Variants in PIEZO2 observed in about 807,000 individuals in gnomAD.
PIEZO2 encodes the protein piezo-type mechanosensitive ion channel component 2.
PIEZO2 carries 172 observed loss-of-function variants against 337.3 expected under a neutral mutation model. That is an observed-to-expected ratio of 0.51 (90% CI 0.45 to 0.58). PIEZO2 has a LOEUF of 0.58. Ranked by LOEUF, PIEZO2 falls within the 20% of genes least tolerant of loss-of-function variation. The pLI is 0.00. For synonymous variants in PIEZO2, 1,251 were observed against 1,228.5 expected, an observed-to-expected ratio of 1.02 and a Z score of -0.38; for missense variants, 3,028 against 3,391.3, an observed-to-expected ratio of 0.89 and a Z score of 2.66.
intron 3 of PIEZO2, among the ~76,000 whole-genome samples, chr18:10,965,306 A>AT (rs1481536761): frequency 1.3e-5 from 2 of 152,026 alleles, no homozygotes; most frequent in East Asian, 3.9e-4. Context: ...GCCACGCTTT[A>AT]TTTTTTTGTC....
intron 7 of PIEZO2, among the ~76,000 whole-genome samples, chr18:10,809,160 A>G (rs1188414240): frequency 6.6e-6 from 1 of 151,610 alleles, no homozygotes; most frequent in Non-Finnish European, 1.5e-5. Context: ...TAAAAAAATG[A>G]GCAGAAGCTA....
chr18:11,058,561 A>T lies in PIEZO2; in HGVS notation c.160+7566T>A, dbSNP rs139458500. Among the ~76,000 whole-genome samples, 57 of 152,312 alleles carry T rather than the reference A, an allele frequency of 3.7e-4. 1 individual carries two copies. Among genetic ancestry groups the T allele is most frequent in the African/African-American group, 1.2e-3 (48 of 41,574 alleles). The stretch of plus-strand genomic sequence containing the variant: ...AGACGAAAGGCTAACTAGAATAACC[A>T]GTGCAGAGAGGTCCTTAAAGGACCT... On this transcript the variant is annotated intron_variant, in intron 2 of 55. Transcript: ENST00000674853.
chr18:10,893,871 T>A, intron 4 of PIEZO2, among the ~76,000 whole-genome samples: 1 of 152,338 alleles, frequency 6.6e-6, no homozygotes, highest in Non-Finnish European at 1.5e-5. Context: ...GGCACTGTGA[T>A]GACCTTGCAG....
intron 2 of PIEZO2, among the ~76,000 whole-genome samples, chr18:11,042,595 A>C (rs1217399198): frequency 1.3e-5 from 2 of 152,234 alleles, no homozygotes; most frequent in African/African-American, 4.8e-5. Context: ...AGCTGAGGTT[A>C]GAGAACAGGG....
intron 13 of PIEZO2, among the ~76,000 whole-genome samples, chr18:10,793,985 G>C (rs1042727315): frequency 6.6e-6 from 1 of 151,968 alleles, no homozygotes; most frequent in Non-Finnish European, 1.5e-5. Flanking sequence ...CCCTTAAAGC[G>C]GGCACTTGCT....
At position 10,670,608 on chromosome 18, in the gene PIEZO2, CA is replaced by C. The variant is rs2033728413; in HGVS notation, c.*918del. Reference sequence around the variant, plus strand: ...GGAAAATGTCACATACTGGAAAAACCATTGCCTTAAATCATGGAAATGGGAA... The same window carrying C: ...GGAAAATGTCACATACTGGAAAAACCTTGCCTTAAATCATGGAAATGGGAA... On this transcript the variant is annotated 3_prime_UTR_variant, in exon 56 of 56. Coordinates refer to ENST00000674853, the MANE Select transcript of PIEZO2 (RefSeq NM_001378183.1). 1 of 152,134 alleles carries C rather than the reference CA, an allele frequency of 6.6e-6. No individual in the cohort carries two copies. Among genetic ancestry groups the C allele is most frequent in the Non-Finnish European group, 1.5e-5 (1 of 68,018 alleles). 9.4% of individuals were successfully genotyped at this position (152,134 alleles called of 1,614,324 possible).
Position 10,699,033 on chromosome 18 carries a change from C to G in PIEZO2, c.6586G>C (p.Val2196Leu). The part of the protein sequence containing the change: ...SINLAASVES[V>L]HVTFPEQQTA... ...TGCTGCTCCGGGAAGGTCACATGCACTGACTCCACAGACGCGGCCAGGTTG... is the reference window on the plus strand; with the variant it reads ...TGCTGCTCCGGGAAGGTCACATGCAGTGACTCCACAGACGCGGCCAGGTTG... The change falls in exon 44 of 56, where the codon GTG becomes CTG. Residue 2196 changes from valine to leucine, a missense_variant. Val to Leu is a conservative substitution (Grantham distance 32, BLOSUM62 1). Around this residue, in one of 5 missense-constraint regions of PIEZO2, gnomAD observed 1,925 missense variants for 2,051.9 expected, o/e 0.94. Coordinates refer to ENST00000674853, the MANE Select transcript of PIEZO2 (RefSeq NM_001378183.1). The G allele has an allele frequency of 6.5e-7, 1 of 1,537,184 alleles. No individual in the cohort carries two copies.
rs2035540259 is a variant in PIEZO2, at chr18:10,705,472, A to G, written c.5863T>C (p.Phe1955Leu). Residue 1955 changes from phenylalanine to leucine, a missense_variant, in exon 41 of 56, where the codon TTC becomes CTC. This residue lies in a region of PIEZO2 where 1,925 missense variants were observed against 2,051.9 expected (regional missense o/e 0.94). Transcript: ENST00000674853. ...CCTGCAGAGTCGTCCTGCGAGCCGA[A>G]GGACAGATGCTCGAAGCTCACAGCC... ...SKAVSFEHLS[F>L]GSQDDSAGKN... 1 of 1,537,142 alleles carries G rather than the reference A, an allele frequency of 6.5e-7. No individual in the cohort carries two copies. The highest frequency in any genetic ancestry group is 8.7e-7 in the Non-Finnish European group (1 of 1,146,916).
chr18:11,118,129 C>T (rs1025429973), intron 1 of PIEZO2, among the ~76,000 whole-genome samples: 15 of 152,182 alleles, frequency 9.9e-5, no homozygotes, highest in African/African-American at 3.6e-4. Context: ...ATCATCTGTT[C>T]ATTCTACTTG....
intron 2 of PIEZO2, among the ~76,000 whole-genome samples, chr18:11,040,035 A>G (rs1272692739): frequency 6.6e-6 from 1 of 152,074 alleles, no homozygotes; most frequent in Non-Finnish European, 1.5e-5. Flanking sequence ...ACCTCTACAG[A>G]TGACATGAAC....
At chr18:10,909,488 T>C (rs951366796) in intron 4 of PIEZO2, among the ~76,000 whole-genome samples, 1 of 148,462 alleles carries the variant, frequency 6.7e-6, no homozygotes, top group Non-Finnish European at 1.5e-5. Flanking sequence ...GGGTATTAAA[T>C]AATGCTAAAG....
intron 2 of PIEZO2, among the ~76,000 whole-genome samples, chr18:10,996,617 GT>G (rs1224877457): frequency 1.3e-5 from 2 of 152,040 alleles, no homozygotes; most frequent in African/African-American, 4.8e-5. Context: ...TTTTCACTTG[GT>G]ATAATGTTTT....
At chr18:10,936,149 T>C (rs1214000076) in intron 3 of PIEZO2, among the ~76,000 whole-genome samples, 3 of 152,348 alleles carry the variant, frequency 2.0e-5, no homozygotes, top group East Asian at 1.9e-4. Flanking sequence ...TGCATCTGCC[T>C]TCCCAGCAGT....
intron 3 of PIEZO2, among the ~76,000 whole-genome samples, chr18:10,948,927 G>T (rs1230629123): frequency 6.6e-6 from 1 of 152,140 alleles, no homozygotes; most frequent in Admixed American, 6.6e-5. Context: ...GTTACGGCCT[G>T]TTTATAACAG....
At chr18:10,968,740 T>G (rs1292198579) in intron 3 of PIEZO2, among the ~76,000 whole-genome samples, 1 of 152,240 alleles carries the variant, frequency 6.6e-6, no homozygotes, top group African/African-American at 2.4e-5. Context: ...AACAGTTGTT[T>G]ATAATGCATT....
rs550157675 is a variant in PIEZO2 at position 10,716,847 on chromosome 18, A to G, written c.5090-1031T>C. Among the ~76,000 whole-genome samples the G allele has an allele frequency of 2.6e-5, 4 of 152,062 alleles. No individual in the cohort carries two copies. Among genetic ancestry groups the G allele is most frequent in the African/African-American group, 9.7e-5 (4 of 41,378 alleles). On this transcript the variant is annotated intron_variant, in intron 37 of 55. Coordinates refer to ENST00000674853, the MANE Select transcript of PIEZO2 (RefSeq NM_001378183.1). The surrounding 1 kb of genome is among the most constrained non-coding windows in gnomAD (Gnocchi z 4.1). ...CGACATGTATTTTCTCATACCCACAATTGTTTTCTTAGAAATGATGAAGGT... is the reference window on the plus strand; with the variant it reads ...CGACATGTATTTTCTCATACCCACAGTTGTTTTCTTAGAAATGATGAAGGT...
chr18:10,691,286 G>A lies in PIEZO2; in HGVS notation c.7288C>T (p.Arg2430Ter), dbSNP rs1329879893. The A allele has an allele frequency of 5.6e-6, 9 of 1,613,922 alleles. No individual in the cohort carries two copies. The highest frequency in any genetic ancestry group is 6.8e-6 in the Non-Finnish European group (8 of 1,180,014). ...AYQIRCGYPT[R>*]VLGNFLTKSY... ...TTGGTGAGGAAGTTCCCCAGGACTC[G>A]CGTTGGGTAGCCACAACGGATCTGG... Residue 2430 changes from arginine to a stop codon, truncating the protein, a stop_gained, in exon 48 of 56, where the codon CGA becomes TGA. Coordinates refer to ENST00000674853, the MANE Select transcript of PIEZO2 (RefSeq NM_001378183.1). LOFTEE classifies it high-confidence loss of function.
intron 2 of PIEZO2, among the ~76,000 whole-genome samples, chr18:11,008,930 T>TAATAATA (rs2035805868): frequency 6.6e-6 from 1 of 152,210 alleles, no homozygotes; most frequent in African/African-American, 2.4e-5. Flanking sequence ...CTGACATCTA[T>TAATAATA]AATAATAAAT....
chr18:10,967,497 C>G (rs2034060735), intron 3 of PIEZO2, among the ~76,000 whole-genome samples: 1 of 152,114 alleles, frequency 6.6e-6, no homozygotes, highest in Admixed American at 6.5e-5. Context: ...AATGGTAGTC[C>G]TACTTTTAGC....
Sources: allele counts gnomAD v4.1 joint callset (sites outside exome capture counted in the v4.1 genomes callset), GRCh38; gene constraint gnomAD v4.1.1; regional missense constraint gnomAD v4.1.1; non-coding constraint Gnocchi (gnomAD v3.1); transcripts MANE v1.5; gene names NCBI Gene and HGNC (gene_info 2026-07-23, HGNC 2026-07-21).